The following SNAP91 variants were observed in gnomAD, a reference collection of about 807,000 sequenced individuals.
SNAP91 encodes the protein clathrin coat assembly protein AP180.
Under a neutral mutation model 100.3 loss-of-function variants are expected in SNAP91, and 27 were observed. That is an observed-to-expected ratio of 0.27 (90% CI 0.20 to 0.37). The LOEUF (loss-of-function observed/expected upper bound fraction) is 0.37, where lower values mean the gene tolerates loss of function less well. Ranked by LOEUF, SNAP91 falls within the 10% of genes least tolerant of loss-of-function variation. The probability of loss-of-function intolerance (pLI) is 1.00; values close to 1 mark genes in which losing one functional copy is unlikely to be tolerated. For missense variants in SNAP91, 986 were observed against 1,123.7 expected (o/e 0.88, Z 1.75); for synonymous variants, 404 against 398.6 (o/e 1.01, Z -0.16).
At chr6:83,665,746 GACATGT>G (rs1483582298) in intron 2 of SNAP91, among the ~76,000 whole-genome samples, 165 bp from the exon 3 acceptor site, 1 of 151,810 alleles carries the variant, frequency 6.6e-6, no homozygotes, top group African/African-American at 2.4e-5. Context: ...TTTACCCATG[GACATGT>G]ACATATATTA....
intron 16 of SNAP91, among the ~76,000 whole-genome samples, chr6:83,595,663 G>A (rs1213391846): frequency 6.6e-6 from 1 of 152,022 alleles, no homozygotes; most frequent in Non-Finnish European, 1.5e-5. Context: ...CCCAAATACT[G>A]TCTTCCGCAA....
intron 8 of SNAP91, among the ~76,000 whole-genome samples, chr6:83,635,242 A>G (rs1430410137): frequency 6.6e-6 from 1 of 152,118 alleles, no homozygotes; most frequent in Non-Finnish European, 1.5e-5. Context: ...TGGGGTGATG[A>G]ACTCCCTCAT....
intron 2 of SNAP91, among the ~76,000 whole-genome samples, chr6:83,675,730 CG>C (rs1214247138): frequency 1.3e-5 from 2 of 150,818 alleles, no homozygotes; most frequent in Non-Finnish European, 3.0e-5. Flanking sequence ...TCTTTATTAC[CG>C]TAAGGGAGAT....
intron 24 of SNAP91, 87 bp downstream of exon 24, chr6:83,580,363 T>G: frequency 1.8e-4 from 239 of 1,333,264 alleles, no homozygotes; most frequent in Middle Eastern, 2.3e-4. Flanking sequence ...ACAAAACATA[T>G]GAGATGAGAG....
chr6:83,650,347 C>A (rs2098143542), intron 7 of SNAP91, among the ~76,000 whole-genome samples: 1 of 152,146 alleles, frequency 6.6e-6, no homozygotes, highest in Non-Finnish European at 1.5e-5. Context: ...ATGAATGGTT[C>A]AGGACATAAT....
At chr6:83,573,800 T>C (rs1030725420) in intron 26 of SNAP91, among the ~76,000 whole-genome samples, 2 of 152,078 alleles carry the variant, frequency 1.3e-5, no homozygotes, top group African/African-American at 4.8e-5. Context: ...CAAAAATTAA[T>C]TCAAGATGGA....
intron 8 of SNAP91, among the ~76,000 whole-genome samples, chr6:83,633,532 T>C (rs1253578999): frequency 6.6e-6 from 1 of 152,102 alleles, no homozygotes; most frequent in East Asian, 1.9e-4. Context: ...GTTCAGACTT[T>C]CCTTGGGCGG....
At chr6:83,662,466 A>G in intron 3 of SNAP91, 44 bp from the exon 4 acceptor site, 3 of 802,288 alleles carry the variant, frequency 3.7e-6, no homozygotes, top group Non-Finnish European at 5.5e-6. Context: ...TTAAAATCAT[A>G]CTTTTAAACA....
At chr6:83,704,245 G>A (rs1029707383) in intron 2 of SNAP91, among the ~76,000 whole-genome samples, 9 of 152,136 alleles carry the variant, frequency 5.9e-5, no homozygotes, top group African/African-American at 1.9e-4. Flanking sequence ...GAAAGGAGGC[G>A]AGGATGTACA....
rs1426294943 is a variant in SNAP91 at position 83,558,960 on chromosome 6, T to G, written c.2631+1144A>C. On this transcript the variant is annotated intron_variant, in intron 28 of 29. Transcript: ENST00000369694. The stretch of plus-strand genomic sequence containing the variant: ...CTAGCAGCAAAACGGTTCAACAAAG[T>G]GTAACATATTTTGGCATTTTTGAAG... Among the ~76,000 whole-genome samples, 3 of 152,160 alleles carry G rather than the reference T, an allele frequency of 2.0e-5. No individual in the cohort carries two copies. In the East Asian group the frequency reaches 5.8e-4, roughly 29 times the overall value.
intron 2 of SNAP91, among the ~76,000 whole-genome samples, chr6:83,666,533 C>A (rs375887485): frequency 5.3e-5 from 8 of 152,178 alleles, no homozygotes; most frequent in African/African-American, 1.9e-4. Flanking sequence ...AACAAACATG[C>A]ACATGTATTC....
chr6:83,569,739 C>T (rs562993252), intron 26 of SNAP91, among the ~76,000 whole-genome samples: 7 of 151,970 alleles, frequency 4.6e-5, no homozygotes, highest in Non-Finnish European at 1.0e-4. Flanking sequence ...CCATGCTGTT[C>T]CTGTGGTAGT....
intron 8 of SNAP91, among the ~76,000 whole-genome samples, chr6:83,638,764 T>G (rs1272185155): frequency 1.3e-5 from 2 of 152,230 alleles, no homozygotes; most frequent in Non-Finnish European, 2.9e-5. Context: ...TCTGAACTTC[T>G]GAACCACAAT....
intron 26 of SNAP91, among the ~76,000 whole-genome samples, chr6:83,565,048 T>C (rs1794665153): frequency 6.6e-6 from 1 of 150,578 alleles, no homozygotes; most frequent in South Asian, 2.1e-4. Context: ...AAAGATCTCT[T>C]TCAACTCCAT....
At chr6:83,627,125 A>T (rs2096965449) in intron 8 of SNAP91, among the ~76,000 whole-genome samples, 1 of 151,334 alleles carries the variant, frequency 6.6e-6, no homozygotes, top group Non-Finnish European at 1.5e-5. Context: ...CATGGTTTTT[A>T]ATTCTGTTTA....
At chr6:83,568,372 C>T (rs916079324) in intron 26 of SNAP91, among the ~76,000 whole-genome samples, 48 of 151,988 alleles carry the variant, frequency 3.2e-4, no homozygotes, top group Non-Finnish European at 3.7e-4. Context: ...GGAGGGATAG[C>T]ATTAGGAGAT....
At chr6:83,559,380 T>C (rs1783693679) in intron 28 of SNAP91, among the ~76,000 whole-genome samples, 1 of 152,236 alleles carries the variant, frequency 6.6e-6, no homozygotes, top group Non-Finnish European at 1.5e-5. Flanking sequence ...CACATGATGA[T>C]GTCCACAGGA....
rs764466153 is a variant in SNAP91, at chr6:83,582,260, G to A, written c.2111C>T (p.Thr704Met). The A allele has an allele frequency of 3.1e-5, 50 of 1,613,426 alleles. No homozygotes were observed. Among genetic ancestry groups the A allele is most frequent in the South Asian group, 1.9e-4 (17 of 91,068 alleles). ...GGAGCTGCTGCTGGAAGTTGAAGGC[G>A]TTGTCCCAAAAGCTGCCTCAAAATT... ...QPNFEAAFGTTPSTSSSSSFD... is the reference protein window; with the variant it reads ...QPNFEAAFGTMPSTSSSSSFD... Residue 704 changes from threonine (T) to methionine (M), a missense_variant, in exon 23 of 30, where the codon ACG becomes ATG. By Grantham distance (81) the Thr-to-Met change is moderately conservative. This residue lies in a region of SNAP91 where 575 missense variants were observed against 579.9 expected (regional missense o/e 0.99). Coordinates refer to ENST00000369694, the MANE Select transcript of SNAP91 (RefSeq NM_001242792.2).
chr6:83,557,566 C>T (rs1050887694), intron 28 of SNAP91, among the ~76,000 whole-genome samples: 1 of 151,890 alleles, frequency 6.6e-6, no homozygotes, highest in African/African-American at 2.4e-5. Flanking sequence ...CCCAGCTACT[C>T]GAGAGGCTGA....
Sources: allele counts gnomAD v4.1 joint callset (sites outside exome capture counted in the v4.1 genomes callset), GRCh38; gene constraint gnomAD v4.1.1; regional missense constraint gnomAD v4.1.1; transcripts MANE v1.5; gene names NCBI Gene and HGNC (gene_info 2026-07-23, HGNC 2026-07-21).